MARCHF1: variants seen among roughly 807,000 people sequenced by gnomAD.
MARCHF1 encodes the protein E3 ubiquitin-protein ligase MARCHF1.
Under a neutral mutation model 54.2 loss-of-function variants are expected in MARCHF1, and 40 were observed. The observed-to-expected ratio is 0.74, with a 90% CI of 0.57 to 0.96. The LOEUF (loss-of-function observed/expected upper bound fraction) is 0.96. MARCHF1 is among the 40% of genes least tolerant of loss of function. The pLI is 0.00. For synonymous variants in MARCHF1, 236 were observed against 236.3 expected (o/e 1.00, Z 0.01); for missense variants, 586 against 656.5 (o/e 0.89, Z 1.17).
At chr4:164,109,168 T>A (rs894541748) in intron 2 of MARCHF1, among the ~76,000 whole-genome samples, 1 of 152,192 alleles carries the variant, frequency 6.6e-6, no homozygotes, top group African/African-American at 2.4e-5. Flanking sequence ...ATAAAGCTAA[T>A]GACCTATTTA....
chr4:163,961,395 A>C lies in MARCHF1; in HGVS notation c.-39+27106T>G, dbSNP rs112141751. Among the ~76,000 whole-genome samples the C allele has an allele frequency of 3.1e-4, 47 of 152,140 alleles. 2 individuals are homozygous for C. The highest frequency in any genetic ancestry group is 9.9e-4 in the African/African-American group (41 of 41,538). On this transcript the variant is annotated intron_variant, in intron 3 of 9. Transcript: ENST00000514618. ...AATGAGTTCTAATGCTGTCATTGAA[A>C]ATAATAAAAGTCAAATATACTTCCT...
chr4:164,150,556 T>G (rs937066343), intron 1 of MARCHF1, among the ~76,000 whole-genome samples: 2 of 152,156 alleles, frequency 1.3e-5, no homozygotes, highest in African/African-American at 2.4e-5. Context: ...CTGGTGGTCT[T>G]GAGCTTGGTC....
chr4:163,819,786 C>T (rs1303801892), intron 4 of MARCHF1, among the ~76,000 whole-genome samples: 1 of 152,088 alleles, frequency 6.6e-6, no homozygotes, highest in East Asian at 1.9e-4. Context: ...TTTCTGTCAT[C>T]TCTTCTACTA....
chr4:164,193,823 A>G (rs960495148), intron 1 of MARCHF1, among the ~76,000 whole-genome samples: 11 of 152,238 alleles, frequency 7.2e-5, no homozygotes, highest in African/African-American at 2.7e-4. Context: ...TGTTTGTCAG[A>G]TAATTTCCAA....
intron 5 of MARCHF1, among the ~76,000 whole-genome samples, chr4:163,640,917 C>A (rs553242884): frequency 1.2e-3 from 190 of 152,008 alleles, no homozygotes; most frequent in African/African-American, 4.5e-3. Context: ...TTTTCCATTT[C>A]AAACACCAAG....
Position 164,188,642 on chromosome 4 carries a change from A to G in MARCHF1, c.-322-76980T>C. On this transcript the variant is annotated intron_variant, in intron 1 of 9. Coordinates refer to ENST00000514618, the MANE Select transcript of MARCHF1 (RefSeq NM_001394959.1). ...CACGAACCAGCTCACCTCCAATCCC[A>G]AGAACACGGTCTTTGACGCCAAGTG... is the stretch of plus-strand genomic sequence containing the variant. 1.1e-5 allele frequency: 12 copies of G among 1,068,076 alleles called. No homozygotes were observed. In the South Asian group the frequency reaches 1.5e-4, roughly 13 times the overall value. 66.2% of individuals were successfully genotyped at this position (1,068,076 alleles called of 1,614,324 possible).
intron 8 of MARCHF1, among the ~76,000 whole-genome samples, chr4:163,583,200 C>G (rs1216740051): frequency 6.6e-6 from 1 of 152,180 alleles, no homozygotes; most frequent in Admixed American, 6.5e-5. Context: ...TTTAAAGTGG[C>G]TAGATACCAC....
At chr4:163,594,819 A>T (rs1740710646) in intron 7 of MARCHF1, among the ~76,000 whole-genome samples, 1 of 152,000 alleles carries the variant, frequency 6.6e-6, no homozygotes, top group Admixed American at 6.6e-5. Flanking sequence ...GCTCCTGAGG[A>T]TGTGAAGAAG....
At chr4:164,009,809 A>G (rs578103484) in intron 2 of MARCHF1, among the ~76,000 whole-genome samples, 1 of 152,226 alleles carries the variant, frequency 6.6e-6, no homozygotes, top group South Asian at 2.1e-4. Flanking sequence ...CTCAAAATAA[A>G]AAAGTCCATA....
chr4:163,589,513 T>C (rs1740515908), intron 7 of MARCHF1, among the ~76,000 whole-genome samples: 1 of 152,128 alleles, frequency 6.6e-6, no homozygotes. Flanking sequence ...TTTCAAATCA[T>C]GTTGAGATTG....
intron 4 of MARCHF1, among the ~76,000 whole-genome samples, chr4:163,715,535 T>C (rs1191655710): frequency 4.6e-5 from 7 of 152,232 alleles, no homozygotes; most frequent in Non-Finnish European, 1.0e-4. Flanking sequence ...AGGTATTTTC[T>C]TTTGTGTATT....
At chr4:163,565,377 A>G (rs1371135271) in intron 8 of MARCHF1, among the ~76,000 whole-genome samples, 1 of 152,228 alleles carries the variant, frequency 6.6e-6, no homozygotes, top group East Asian at 1.9e-4. Context: ...AAGGTTTGCA[A>G]CAGTGGAAAT....
intron 4 of MARCHF1, among the ~76,000 whole-genome samples, chr4:163,723,679 G>T (rs1307383340): frequency 6.6e-6 from 1 of 152,112 alleles, no homozygotes; most frequent in Non-Finnish European, 1.5e-5. Context: ...TGTAGATTTG[G>T]TCTTTTCACA....
intron 1 of MARCHF1, chr4:164,189,103 G>A (rs1192014556): frequency 6.1e-5 from 41 of 668,624 alleles, no homozygotes; most frequent in Middle Eastern, 4.0e-4. Context: ...TGGTGTCTTC[G>A]GAGTCGTGGC....
intron 4 of MARCHF1, among the ~76,000 whole-genome samples, chr4:163,751,137 G>A (rs1409164672): frequency 0.053 from 474 of 8,884 alleles, 1 homozygote; most frequent in African/African-American, 0.08. Context: ...ACCACTTTGT[G>A]TGTGTGTGTG....
At chr4:163,616,438 G>T (rs573508279) in intron 5 of MARCHF1, among the ~76,000 whole-genome samples, 1 of 152,138 alleles carries the variant, frequency 6.6e-6, no homozygotes, top group South Asian at 2.1e-4. Flanking sequence ...TGTAAAATGG[G>T]AAAATGATTT....
chr4:164,059,812 T>A (rs1389978896), intron 2 of MARCHF1, among the ~76,000 whole-genome samples: 1 of 152,164 alleles, frequency 6.6e-6, no homozygotes, highest in Non-Finnish European at 1.5e-5. Flanking sequence ...TTTATACTTG[T>A]TTGAAATGAA....
chr4:163,580,152 C>G (rs530301560), intron 8 of MARCHF1, among the ~76,000 whole-genome samples: 12 of 151,966 alleles, frequency 7.9e-5, no homozygotes, highest in Admixed American at 7.9e-4. Context: ...GATCTTGGCT[C>G]ACTGCAACCT....
intron 4 of MARCHF1, among the ~76,000 whole-genome samples, chr4:163,750,239 T>C (rs1053555992): frequency 1.3e-5 from 2 of 151,924 alleles, no homozygotes; most frequent in Non-Finnish European, 2.9e-5. Context: ...GGGCCAGGCG[T>C]GGTGGCTCAT....
Sources: allele counts gnomAD v4.1 joint callset (sites outside exome capture counted in the v4.1 genomes callset), GRCh38; gene constraint gnomAD v4.1.1; transcripts MANE v1.5; gene names NCBI Gene and HGNC (gene_info 2026-07-23, HGNC 2026-07-21).